The following CCDC30 variants were observed in gnomAD, a reference collection of about 807,000 sequenced individuals.
The protein encoded by CCDC30 is coiled-coil domain containing 30.
CCDC30 carries 70 observed loss-of-function variants against 100.2 expected under a neutral mutation model. The ratio of observed to expected loss-of-function variants is 0.70; its 90% CI spans 0.58 to 0.85. The LOEUF is 0.85. CCDC30 is among the 40% of genes least tolerant of loss of function. CCDC30 has a pLI of 0.00. For missense variants in CCDC30, 652 were observed against 771.2 expected (o/e 0.85, Z 1.83); for synonymous variants, 233 against 269.5 (o/e 0.86, Z 1.33).
Position 42,524,105 on chromosome 1 carries a change from CT to C in CCDC30, c.456+25200del, listed in dbSNP as rs199539747. ...GGACAGTTTCTGTTGGTTTTGTTTT[CT>C]TTTTTTTTTTAAGTTTTAAATGGGC... On this transcript the variant is annotated intron_variant, in intron 6 of 16. Coordinates refer to ENST00000668663, the Ensembl canonical transcript of CCDC30. Among the ~76,000 whole-genome samples, 568 of 141,352 alleles carry C rather than the reference CT, an allele frequency of 4.0e-3. 3 individuals are homozygous for C. Among genetic ancestry groups the C allele is most frequent in the Middle Eastern group, 0.019 (5 of 270 alleles). The allele number at this position is 141,352 out of a possible 152,430, so 92.7% of individuals were successfully genotyped here.
chr1:42,456,913 G>T, the CCDC30 span: 1 of 1,610,936 alleles, frequency 6.2e-7, no homozygotes. Flanking sequence ...CGGGCTTGCT[G>T]AGCCTGGAGG....
intron 7 of CCDC30, among the ~76,000 whole-genome samples, chr1:42,575,297 T>A (rs977756081): frequency 3.3e-5 from 5 of 152,140 alleles, no homozygotes; most frequent in Non-Finnish European, 7.4e-5. Context: ...CAGTAAATAA[T>A]TGTTTAATCA....
chr1:42,490,815 A>G (rs1270026273), intron 4 of CCDC30, among the ~76,000 whole-genome samples: 3 of 152,134 alleles, frequency 2.0e-5, no homozygotes, highest in Non-Finnish European at 4.4e-5. Context: ...GAATCTTTAT[A>G]TGTCTGACTC....
intron 4 of CCDC30, among the ~76,000 whole-genome samples, chr1:42,496,018 T>C (rs939809750): frequency 2.0e-5 from 3 of 152,132 alleles, no homozygotes; most frequent in African/African-American, 7.2e-5. Flanking sequence ...TGGAGCCAAG[T>C]GTGCACTGAC....
At chr1:42,599,024 G>A (rs372051567) in intron 10 of CCDC30, among the ~76,000 whole-genome samples, 3 of 152,258 alleles carry the variant, frequency 2.0e-5, no homozygotes, top group Admixed American at 6.5e-5. Flanking sequence ...ACAAAATATA[G>A]ATCAGAAACC....
At chr1:42,464,712 G>A (rs184178831) in intron 1 of CCDC30, among the ~76,000 whole-genome samples, 7 of 152,296 alleles carry the variant, frequency 4.6e-5, no homozygotes, top group Non-Finnish European at 1.0e-4. Context: ...CTTACAATAC[G>A]CATTCCTTGT....
intron 12 of CCDC30, among the ~76,000 whole-genome samples, chr1:42,639,277 T>G (rs1647234617): frequency 1.3e-5 from 2 of 152,050 alleles, no homozygotes; most frequent in Admixed American, 1.3e-4. Context: ...TGCCTCATGA[T>G]GATGAATTCA....
chr1:42,472,991 C>G (rs1643818973), intron 1 of CCDC30: 1 of 789,878 alleles, frequency 1.3e-6, no homozygotes, highest in Non-Finnish European at 1.7e-6. Context: ...AGCTTACTAG[C>G]TTTCTATTGC....
At chr1:42,457,447 G>C in the CCDC30 span, 18 of 1,033,620 alleles carry the variant, frequency 1.7e-5, no homozygotes, top group Admixed American at 3.5e-5. Flanking sequence ...ATCTGTATTC[G>C]CTAGGCACAG....
intron 6 of CCDC30, 142 bp downstream of exon 8, chr1:42,539,452 G>A: frequency 1.7e-6 from 1 of 596,010 alleles, no homozygotes; most frequent in Non-Finnish European, 2.7e-6. Context: ...GCCATATACT[G>A]CCATATACTG....
chr1:42,462,157 C>CA (rs1167318499), upstream of CCDC30, among the ~76,000 whole-genome samples: 1 of 152,032 alleles, frequency 6.6e-6, no homozygotes. Flanking sequence ...TAGTGTTTTC[C>CA]ACTTCAGTTT....
chr1:42,500,404 A>G (rs1378263648), intron 6 of CCDC30: 11 of 1,002,674 alleles, frequency 1.1e-5, no homozygotes, highest in Admixed American at 7.7e-5. Flanking sequence ...CGCAGTGGCC[A>G]CCACCGAGTT....
At chr1:42,644,611 AG>A in intron 13 of CCDC30, 81 bp from the exon 18 acceptor site, 1 of 781,362 alleles carries the variant, frequency 1.3e-6, no homozygotes, top group East Asian at 2.5e-5. Context: ...ATCCGGGGCC[AG>A]TGGGAAGTGG....
At chr1:42,602,203 C>T (rs1335114303) in intron 10 of CCDC30, among the ~76,000 whole-genome samples, 1 of 150,148 alleles carries the variant, frequency 6.7e-6, no homozygotes, top group Non-Finnish European at 1.5e-5. Context: ...CAAATTAAAT[C>T]CAAAGTAAGC....
At chr1:42,525,487 A>ATCTTTT (rs1644710044) in intron 6 of CCDC30, among the ~76,000 whole-genome samples, 1 of 151,796 alleles carries the variant, frequency 6.6e-6, no homozygotes, top group Admixed American at 6.6e-5. Flanking sequence ...TTCTTTTTTG[A>ATCTTTT]ATATCTTTTA....
intron 11 of CCDC30, among the ~76,000 whole-genome samples, chr1:42,618,696 A>G (rs868381424): frequency 2.6e-5 from 4 of 152,204 alleles, no homozygotes; most frequent in African/African-American, 9.6e-5. Flanking sequence ...TGCCTATATT[A>G]TGTAGTGGGT....
intron 9 of CCDC30, among the ~76,000 whole-genome samples, chr1:42,587,268 A>T (rs1646091838): frequency 6.6e-6 from 1 of 152,220 alleles, no homozygotes; most frequent in African/African-American, 2.4e-5. Context: ...AAGTGCTAGG[A>T]TTATAGGTGT....
chr1:42,616,412 A>G (rs72967269), intron 11 of CCDC30, among the ~76,000 whole-genome samples: 1,839 of 152,330 alleles, frequency 0.012, 30 homozygotes, highest in African/African-American at 0.042. Flanking sequence ...TCTAATGTGC[A>G]TCCGAGGTTG....
intron 5 of CCDC30, among the ~76,000 whole-genome samples, chr1:42,498,291 G>A (rs962964099): frequency 4.6e-5 from 7 of 152,076 alleles, no homozygotes; most frequent in Non-Finnish European, 1.0e-4. Context: ...AGGGAGTAAC[G>A]GGAGTTATTG....
Sources: allele counts gnomAD v4.1 joint callset (sites outside exome capture counted in the v4.1 genomes callset), GRCh38; gene constraint gnomAD v4.1.1; transcripts MANE v1.5; gene names NCBI Gene and HGNC (gene_info 2026-07-23, HGNC 2026-07-21).